ITGB8: variants seen among roughly 807,000 people sequenced by gnomAD.
ITGB8 encodes the protein integrin subunit beta 8, also known as integrin beta-8.
Under a neutral mutation model 89.5 loss-of-function variants are expected in ITGB8, and 30 were observed. The ratio of observed to expected loss-of-function variants is 0.34; its 90% CI spans 0.25 to 0.45. The LOEUF is 0.45. Ranked by LOEUF, ITGB8 falls within the 20% of genes least tolerant of loss-of-function variation. The pLI is 1.00. For missense variants in ITGB8, 836 were observed against 933.3 expected (o/e 0.90, Z 1.36); for synonymous variants, 335 against 320.4 (o/e 1.05, Z -0.49).
At position 20,410,123 on chromosome 7, in the gene ITGB8, C is replaced by T. The variant is rs758200927; in HGVS notation, c.*126C>T. The T allele has an allele frequency of 1.3e-5, 11 of 875,952 alleles. No homozygotes were observed. The highest frequency in any genetic ancestry group is 8.5e-5 in the African/African-American group (5 of 58,870). 54.3% of individuals were successfully genotyped at this position (875,952 alleles called of 1,614,324 possible). A position where few individuals can be genotyped will look rare whatever the true frequency, so the allele number is the denominator to read the frequency against. ...TCATGCCAGTTGCTGGTTGTACACTCGAACGAAGACTGACAAGTATCCTCA... is the reference window on the plus strand; with the variant it reads ...TCATGCCAGTTGCTGGTTGTACACTTGAACGAAGACTGACAAGTATCCTCA... On this transcript the variant is annotated 3_prime_UTR_variant, in exon 14 of 14. Coordinates refer to ENST00000222573, the MANE Select transcript of ITGB8 (RefSeq NM_002214.3).
rs986735225 is a variant in ITGB8 at position 20,414,944 on chromosome 7, C to T, written c.*4947C>T. ...CTGCTCTATTAATCAGGTTTCTAGC[C>T]TCTACAACCTACTTCAGTTAAAATT... On this transcript the variant is annotated 3_prime_UTR_variant, in exon 14 of 14. Coordinates refer to ENST00000222573, the MANE Select transcript of ITGB8 (RefSeq NM_002214.3). The T allele has an allele frequency of 2.0e-5, 3 of 152,160 alleles. No individual in the cohort carries two copies. The highest frequency in any genetic ancestry group is 2.9e-5 in the Non-Finnish European group (2 of 67,910). The allele number at this position is 152,160 out of a possible 1,614,324, so 9.4% of individuals were successfully genotyped here. A position where few individuals can be genotyped will look rare whatever the true frequency, so the allele number is the denominator to read the frequency against.
chr7:20,330,422 T>C (rs2128121781), upstream of ITGB8, among the ~76,000 whole-genome samples: 1 of 152,178 alleles, frequency 6.6e-6, no homozygotes, highest in South Asian at 2.1e-4. Context: ...AGATTGGGGT[T>C]TGCTCGCAGC....
At chr7:20,379,948 G>C (rs1424087227) in intron 4 of ITGB8, 10 of 152,086 alleles carry the variant, frequency 6.6e-5, no homozygotes, top group Admixed American at 6.5e-4. Context: ...ATTAGCCTGT[G>C]GAATTTTCAG....
At chr7:20,394,369 T>A (rs528416921) in intron 7 of ITGB8, among the ~76,000 whole-genome samples, 1 of 152,128 alleles carries the variant, frequency 6.6e-6, no homozygotes, top group Non-Finnish European at 1.5e-5. Flanking sequence ...CAAGAACACA[T>A]ACCCCATGAA....
At chr7:20,393,923 G>A (rs568484515) in intron 7 of ITGB8, among the ~76,000 whole-genome samples, 7 of 152,238 alleles carry the variant, frequency 4.6e-5, no homozygotes, top group Non-Finnish European at 5.9e-5. Flanking sequence ...ATTGTTTCAC[G>A]TGTTCACATG....
At chr7:20,408,455 C>T (rs1787635755) in intron 12 of ITGB8, among the ~76,000 whole-genome samples, 1 of 151,898 alleles carries the variant, frequency 6.6e-6, no homozygotes, top group Non-Finnish European at 1.5e-5. Flanking sequence ...CTGAGCTTGG[C>T]CTTATTCAAA....
Position 20,331,501 on chromosome 7 carries a change from G to C in ITGB8, c.-306G>C. On this transcript the variant is annotated 5_prime_UTR_variant, in exon 1 of 14. Coordinates refer to ENST00000222573, the MANE Select transcript of ITGB8 (RefSeq NM_002214.3). ...TTTTCTTTGTCCCGGAGCAGGCTGC[G>C]GAGCCCTTGCAGAGCCCTCTCTCCA... The C allele has an allele frequency of 2.4e-6, 1 of 423,136 alleles. No individual in the cohort carries two copies. The highest frequency in any genetic ancestry group is 4.1e-6 in the Non-Finnish European group (1 of 242,958). The allele number at this position is 423,136 out of a possible 1,614,324, so 26.2% of individuals were successfully genotyped here. A position where few individuals can be genotyped will look rare whatever the true frequency, so the allele number is the denominator to read the frequency against.
At chr7:20,407,809 G>C (rs112388430) in intron 12 of ITGB8, among the ~76,000 whole-genome samples, 1 of 152,096 alleles carries the variant, frequency 6.6e-6, no homozygotes, top group South Asian at 2.1e-4. Context: ...GAAAAGCCCC[G>C]GCCTGACCTA....
intron 1 of ITGB8, among the ~76,000 whole-genome samples, chr7:20,335,240 G>A (rs1784537002): frequency 1.3e-5 from 2 of 152,146 alleles, no homozygotes; most frequent in African/African-American, 4.8e-5. Context: ...AGGGCAACAA[G>A]AATGTTCACA....
At chr7:20,408,411 T>G (rs1231363052) in intron 12 of ITGB8, among the ~76,000 whole-genome samples, 2 of 150,426 alleles carry the variant, frequency 1.3e-5, no homozygotes, top group Non-Finnish European at 3.0e-5. Flanking sequence ...CTTAATTAAG[T>G]CTTCCCACTT....
chr7:20,337,658 G>T (rs901395200), intron 1 of ITGB8, among the ~76,000 whole-genome samples: 1 of 152,120 alleles, frequency 6.6e-6, no homozygotes, highest in African/African-American at 2.4e-5. Flanking sequence ...CCAGAATTCC[G>T]ATCTGTGTGG....
chr7:20,349,811 T>G (rs1318010486), intron 1 of ITGB8, among the ~76,000 whole-genome samples: 1 of 152,222 alleles, frequency 6.6e-6, no homozygotes. Context: ...TGGTTGTCTT[T>G]TTCTAACAAA....
chr7:20,391,108 A>T (rs933048902), intron 6 of ITGB8, among the ~76,000 whole-genome samples: 1 of 152,070 alleles, frequency 6.6e-6, no homozygotes, highest in African/African-American at 2.4e-5. Flanking sequence ...TGTCAGTTAC[A>T]CCATTTGGAG....
rs879280195 is a variant in ITGB8 at position 20,413,836 on chromosome 7, T to C, written c.*3839T>C. The C allele has an allele frequency of 2.6e-5, 4 of 152,142 alleles. No homozygotes were observed. The highest frequency in any genetic ancestry group is 6.6e-5 in the Admixed American group (1 of 15,266). 9.4% of individuals were successfully genotyped at this position (152,142 alleles called of 1,614,324 possible). ...ACATGGGAGCTCAATCATGTGCAGA[T>C]TGCATTCTGTTATGTTGACTCAATA... On this transcript the variant is annotated 3_prime_UTR_variant, in exon 14 of 14. Coordinates refer to ENST00000222573, the MANE Select transcript of ITGB8 (RefSeq NM_002214.3).
chr7:20,392,610 G>A (rs1786907840), intron 7 of ITGB8, among the ~76,000 whole-genome samples: 1 of 152,052 alleles, frequency 6.6e-6, no homozygotes, highest in South Asian at 2.1e-4. Flanking sequence ...AGGGCTTTCA[G>A]GGTGTCTGTC....
chr7:20,340,614 T>C (rs1301666388), intron 1 of ITGB8, among the ~76,000 whole-genome samples: 2 of 152,238 alleles, frequency 1.3e-5, no homozygotes, highest in Non-Finnish European at 2.9e-5. Context: ...TACTGCTGTT[T>C]CATGTGTACA....
intron 6 of ITGB8, among the ~76,000 whole-genome samples, chr7:20,385,233 T>A (rs956110403): frequency 3.9e-5 from 6 of 152,220 alleles, no homozygotes; most frequent in Non-Finnish European, 8.8e-5. Flanking sequence ...GTGGAGGTCA[T>A]CCAATGAACC....
Position 20,331,580 on chromosome 7 carries a change from G to A in ITGB8, c.-227G>A. 2.1e-6 allele frequency: 1 copy of A among 470,498 alleles called. No individual in the cohort carries two copies. Among genetic ancestry groups the A allele is most frequent in the Non-Finnish European group, 3.6e-6 (1 of 278,742 alleles). The allele number at this position is 470,498 out of a possible 1,614,324, so 29.1% of individuals were successfully genotyped here. A position where few individuals can be genotyped will look rare whatever the true frequency, so the allele number is the denominator to read the frequency against. On this transcript the variant is annotated 5_prime_UTR_variant, in exon 1 of 14. Transcript: ENST00000222573. Reference sequence around the variant, plus strand: ...GGAGGTGCTTCTCGCGGAGACCGCGGGACCCGCCGTGCCGAGCCGGGAGGG... The same window carrying A: ...GGAGGTGCTTCTCGCGGAGACCGCGAGACCCGCCGTGCCGAGCCGGGAGGG...
In ITGB8 at chr7:20,395,053, G is replaced by C. The variant is rs1787014195; in HGVS notation, c.1146+68G>C. 6 of 856,690 alleles carry C rather than the reference G, an allele frequency of 7.0e-6. No homozygotes were observed. In the East Asian group the frequency reaches 1.6e-4, roughly 23 times the overall value. The allele number at this position is 856,690 out of a possible 1,614,324, so 53.1% of individuals were successfully genotyped here. On this transcript the variant is annotated intron_variant, in intron 8 of 13. Transcript: ENST00000222573. ...CTCAATTTCTGTGACAAGGTACAAA[G>C]TAGTGCCATGTCATCTCGAGAGGAG...
Sources: allele counts gnomAD v4.1 joint callset (sites outside exome capture counted in the v4.1 genomes callset), GRCh38; gene constraint gnomAD v4.1.1; transcripts MANE v1.5; gene names NCBI Gene and HGNC (gene_info 2026-07-23, HGNC 2026-07-21).